The following ANXA1 variants were observed in gnomAD, a reference collection of about 807,000 sequenced individuals.
ANXA1 encodes annexin I (lipocortin I).
In ANXA1, 39 loss-of-function variants were observed where a neutral mutation model predicts 47.9. That is an observed-to-expected ratio of 0.81 (90% confidence interval 0.63 to 1.06). The LOEUF (loss-of-function observed/expected upper bound fraction) is 1.06. Among genes scored for constraint, ANXA1 ranks in the 50% least tolerant of loss-of-function variants. ANXA1 has a pLI of 0.00. For missense variants in ANXA1, 446 were observed against 422.7 expected (o/e 1.06, Z -0.48); for synonymous variants, 146 against 142.5 (o/e 1.02, Z -0.17).
intron 8 of ANXA1, among the ~76,000 whole-genome samples, chr9:73,164,489 G>C (rs571643266): frequency 5.3e-5 from 8 of 151,886 alleles, no homozygotes; most frequent in African/African-American, 9.7e-5. Flanking sequence ...AGACTATCAG[G>C]GTTCTTAATA....
intron 10 of ANXA1, 65 bp downstream of exon 10, chr9:73,166,257 C>T (rs568014020): frequency 1.4e-4 from 163 of 1,170,032 alleles, no homozygotes; most frequent in Non-Finnish European, 1.8e-4. Flanking sequence ...CTATCCTATA[C>T]TTAACAAGAA....
Position 73,160,261 on chromosome 9 carries a change from AGCCC to A in ANXA1, c.271-1_273del. Reference sequence around the variant, plus strand: ...TCCTGATTCTAATCTTTTTTTTTGTAGCCCCTGGATGAAACACTGAAGAAAGCCC... The same window carrying A: ...TCCTGATTCTAATCTTTTTTTTTGTACTGGATGAAACACTGAAGAAAGCCC... On this transcript the variant is annotated splice_acceptor_variant and coding_sequence_variant, in exon 5 of 13. Transcript: ENST00000257497. LOFTEE classifies it high-confidence loss of function. 6.5e-7 allele frequency: 1 copy of A among 1,541,176 alleles called. No homozygotes were observed. The highest frequency in any genetic ancestry group is 8.7e-7 in the Non-Finnish European group (1 of 1,152,582).
chr9:73,152,194 G>A (rs1823983172), intron 1 of ANXA1, among the ~76,000 whole-genome samples: 1 of 152,164 alleles, frequency 6.6e-6, no homozygotes, highest in South Asian at 2.1e-4. Context: ...AAGTTACCAT[G>A]AGAAAGAAGG....
intron 6 of ANXA1, among the ~76,000 whole-genome samples, chr9:73,162,386 AAAT>A (rs1203625651): frequency 5.3e-5 from 8 of 152,240 alleles, no homozygotes; most frequent in Non-Finnish European, 7.3e-5. Flanking sequence ...TAAACTAAAT[AAAT>A]AATTTGCATT....
intron 4 of ANXA1, 111 bp downstream of exon 4, chr9:73,159,534 T>C: frequency 1.2e-6 from 1 of 802,482 alleles, no homozygotes; most frequent in Non-Finnish European, 2.0e-6. Context: ...TGTTTTCTCA[T>C]TACATCTATG....
chr9:73,158,690 C>T lies in ANXA1; in HGVS notation c.67-5C>T, dbSNP rs1006343430. 1 of 1,613,618 alleles carries T rather than the reference C, an allele frequency of 6.2e-7. No homozygotes were observed. Among genetic ancestry groups the T allele is most frequent in the Non-Finnish European group, 8.5e-7 (1 of 1,179,712 alleles). ...GCCATTAATTTATTTCTCTCTCATT[C>T]TTAGCAAACTGTGAAGTCATCCAAA... On this transcript the variant is annotated splice_region_variant and splice_polypyrimidine_tract_variant and intron_variant, in intron 2 of 12. Transcript: ENST00000257497.
At chr9:73,168,814 A>G in intron 11 of ANXA1, 2 of 361,064 alleles carry the variant, frequency 5.5e-6, no homozygotes, top group South Asian at 1.0e-4. Flanking sequence ...GGAAGTTGTG[A>G]CAGCTCTCTA....
intron 1 of ANXA1, chr9:73,154,432 T>A: frequency 8.8e-7 from 1 of 1,132,054 alleles, no homozygotes; most frequent in Non-Finnish European, 1.2e-6. Context: ...TTTTCTTTTC[T>A]TTTCTTTTTC....
chr9:73,159,290 G>A (rs55652728), intron 3 of ANXA1, 39 bp from the exon 4 acceptor site: 2 of 1,500,660 alleles, frequency 1.3e-6, no homozygotes, highest in Non-Finnish European at 1.9e-6. Context: ...TGATGATGAA[G>A]AAAATTGGTG....
chr9:73,165,412 G>A (rs1436320819), intron 9 of ANXA1: 2 of 420,944 alleles, frequency 4.8e-6, no homozygotes, highest in East Asian at 8.1e-5. Flanking sequence ...TACATTTTGT[G>A]ACTTGGGCAT....
chr9:73,169,837 T>G (rs1296728704), intron 12 of ANXA1, among the ~76,000 whole-genome samples: 1 of 152,146 alleles, frequency 6.6e-6, no homozygotes, highest in Non-Finnish European at 1.5e-5. Context: ...ACATAATTAA[T>G]TCAGAAAAGT....
chr9:73,163,617 C>A, intron 8 of ANXA1, 85 bp downstream of exon 8: 1 of 1,389,394 alleles, frequency 7.2e-7, no homozygotes, highest in Non-Finnish European at 1.0e-6. Flanking sequence ...GAAAGCAAAT[C>A]TAAGATCTTC....
chr9:73,160,746 A>T (rs1358297437), intron 5 of ANXA1, 57 bp from the exon 6 acceptor site: 5 of 1,346,092 alleles, frequency 3.7e-6, no homozygotes, highest in Non-Finnish European at 5.2e-6. Flanking sequence ...AAACTCATTG[A>T]TCCTCTTGCA....
chr9:73,166,172 A>G lies in ANXA1; in HGVS notation c.782A>G (p.Glu261Gly). Residue 261 changes from glutamate (E) to glycine (G), a missense_variant, in exon 10 of 13, where the codon GAG becomes GGG. Transcript: ENST00000257497. ...VLDLELKGDI[E>G]KCLTAIVKCA... ...GACCTGGAGTTGAAAGGTGACATTG[A>G]GAAATGCCTCACAGCTATCGGTATG... is the stretch of plus-strand genomic sequence containing the variant. 6.2e-7 allele frequency: 1 copy of G among 1,612,124 alleles called. No homozygotes were observed. The highest frequency in any genetic ancestry group is 8.5e-7 in the Non-Finnish European group (1 of 1,178,786).
Position 73,162,520 on chromosome 9 carries a change from G to A in ANXA1, c.476-262G>A, listed in dbSNP as rs967754430. On this transcript the variant is annotated intron_variant, in intron 6 of 12. Coordinates refer to ENST00000257497, the MANE Select transcript of ANXA1 (RefSeq NM_000700.3). ...TATACCTATACAATTTATTCTTAAC[G>A]AAAGCTTTATGACTGTGAGTTTTCA... Among the ~76,000 whole-genome samples the A allele has an allele frequency of 4.6e-5, 7 of 152,128 alleles. No individual in the cohort carries two copies. In the South Asian group the frequency reaches 6.2e-4, roughly 14 times the overall value.
At chr9:73,156,158 TAAATAAATAAATA>T (rs1824045257) in intron 1 of ANXA1, among the ~76,000 whole-genome samples, 1 of 144,960 alleles carries the variant, frequency 6.9e-6, no homozygotes, top group Non-Finnish European at 1.5e-5. Context: ...TATAAATAAA[TAAATAAATAAATA>T]AAATAAATAA....
chr9:73,153,275 C>T (rs1823998530), intron 1 of ANXA1, among the ~76,000 whole-genome samples: 3 of 152,152 alleles, frequency 2.0e-5, no homozygotes, highest in African/African-American at 2.4e-5. Context: ...CTGAATATGA[C>T]GTTAGCTCTC....
At chr9:73,163,843 AG>A (rs1824184274) in intron 8 of ANXA1, among the ~76,000 whole-genome samples, 1 of 152,214 alleles carries the variant, frequency 6.6e-6, no homozygotes, top group South Asian at 2.1e-4. Flanking sequence ...AGGTATAAGA[AG>A]GGGAAATGTA....
rs12339533 is a variant in ANXA1, at chr9:73,167,252, T to C, written c.803-245T>C. ...GGATAGCGCAAACTACTGAAGTTGCTCTTGAGATGTATTTAAGGTAATAAA... is the reference window on the plus strand; with the variant it reads ...GGATAGCGCAAACTACTGAAGTTGCCCTTGAGATGTATTTAAGGTAATAAA... On this transcript the variant is annotated intron_variant, in intron 10 of 12. Transcript: ENST00000257497. 7.4e-3 allele frequency among the ~76,000 whole-genome samples: 1,119 copies of C among 152,194 alleles called. 12 individuals carry two copies. Among genetic ancestry groups the C allele is most frequent in the African/African-American group, 0.025 (1,036 of 41,506 alleles).
Sources: allele counts gnomAD v4.1 joint callset (sites outside exome capture counted in the v4.1 genomes callset), GRCh38; gene constraint gnomAD v4.1.1; transcripts MANE v1.5; gene names NCBI Gene and HGNC (gene_info 2026-07-23, HGNC 2026-07-21).